Variants in TASOR observed in about 807,000 individuals in gnomAD.
TASOR encodes the protein protein TASOR.
Under a neutral mutation model 178.6 loss-of-function variants are expected in TASOR, and 53 were observed. That is an observed-to-expected ratio of 0.30 (90% confidence interval 0.24 to 0.37). The LOEUF is 0.37. Among genes scored for constraint, TASOR ranks in the 10% least tolerant of loss-of-function variants. TASOR has a pLI of 1.00. For missense variants in TASOR, 1,815 were observed against 1,971.4 expected (o/e 0.92, Z 1.50); for synonymous variants, 713 against 696.2 (o/e 1.02, Z -0.38).
chr3:56,621,430 C>A lies in TASOR; in HGVS notation c.*1607G>T. 3 of 807,520 alleles carry A rather than the reference C, an allele frequency of 3.7e-6. No individual in the cohort carries two copies. The highest frequency in any genetic ancestry group is 5.6e-6 in the Non-Finnish European group (3 of 531,794). 50.0% of individuals were successfully genotyped at this position (807,520 alleles called of 1,614,324 possible). On this transcript the variant is annotated 3_prime_UTR_variant, in exon 24 of 24. Coordinates refer to ENST00000683822, the MANE Select transcript of TASOR (RefSeq NM_001365635.2). ...AATTTTTGAATGACAAAATTTTATC[C>A]TAAGCGATATGTTTTCCAAGTGAAT...
At chr3:56,649,973 C>T (rs2077316424) in intron 11 of TASOR, among the ~76,000 whole-genome samples, 1 of 152,208 alleles carries the variant, frequency 6.6e-6, no homozygotes, top group South Asian at 2.1e-4. Flanking sequence ...AGAAGCCAGG[C>T]TGGCCAGGAA....
intron 2 of TASOR, 140 bp downstream of exon 2, chr3:56,673,433 CAAAAAAA>C (rs5849162): frequency 8.9e-4 from 173 of 194,658 alleles, no homozygotes; most frequent in South Asian, 2.8e-3. Flanking sequence ...ACTCCGTCTC[CAAAAAAA>C]AAAAAAAAAA....
chr3:56,676,585 C>T (rs368115583), intron 1 of TASOR, among the ~76,000 whole-genome samples: 52 of 152,160 alleles, frequency 3.4e-4, no homozygotes, highest in African/African-American at 1.2e-3. Flanking sequence ...GGGTTTTACA[C>T]GATTTTGTTT....
At chr3:56,627,536 T>C (rs1482133483) in intron 20 of TASOR, 46 bp downstream of exon 20, 2 of 1,594,790 alleles carry the variant, frequency 1.3e-6, no homozygotes, top group Admixed American at 1.7e-5. Context: ...TTAAAAAGTA[T>C]GAGAGTCAGA....
At chr3:56,660,874 T>G (rs1267717900) in intron 10 of TASOR, 40 bp from the exon 11 acceptor site, 56 of 1,607,898 alleles carry the variant, frequency 3.5e-5, no homozygotes, top group Non-Finnish European at 4.5e-5. Flanking sequence ...CCAAATCAAG[T>G]CTGCTTCTAA....
At chr3:56,668,621 T>C (rs1202941039) in intron 5 of TASOR, 63 bp from the exon 6 acceptor site, 7 of 1,119,534 alleles carry the variant, frequency 6.3e-6, no homozygotes, top group African/African-American at 1.6e-5. Context: ...ATAACATTAA[T>C]ATTATGAAAT....
chr3:56,639,237 T>C (rs560380177), intron 16 of TASOR, among the ~76,000 whole-genome samples: 21 of 152,224 alleles, frequency 1.4e-4, no homozygotes, highest in Non-Finnish European at 2.5e-4. Context: ...AAAAAGTTGT[T>C]TGCTGTTGCT....
intron 1 of TASOR, among the ~76,000 whole-genome samples, chr3:56,675,704 A>G (rs1460135158): frequency 6.6e-6 from 1 of 152,216 alleles, no homozygotes; most frequent in African/African-American, 2.4e-5. Context: ...ATTTCTTTCA[A>G]GACACTATTT....
intron 22 of TASOR, 49 bp from the exon 23 acceptor site, chr3:56,624,692 C>G (rs1553720712): frequency 6.4e-7 from 1 of 1,570,984 alleles, no homozygotes; most frequent in Non-Finnish European, 8.7e-7. Flanking sequence ...AAAATATAGA[C>G]AGCCCCTAGC....
chr3:56,627,937 C>T (rs971851363), intron 19 of TASOR, among the ~76,000 whole-genome samples, 196 bp from the exon 20 acceptor site: 1 of 152,142 alleles, frequency 6.6e-6, no homozygotes, highest in African/African-American at 2.4e-5. Context: ...TGTACTGGGA[C>T]CTACCACAGA....
Position 56,633,147 on chromosome 3 carries a change from T to C in TASOR, c.3644A>G (p.Glu1215Gly). 1 of 1,614,094 alleles carries C rather than the reference T, an allele frequency of 6.2e-7. No homozygotes were observed. Reference protein sequence around the residue: ...LSNFISQLEPEVFNSLVKIMK... With the variant: ...LSNFISQLEPGVFNSLVKIMK... ...GATTTTAACCAAACTATTAAATACTTCAGGTTCTAACTGGCTTATAAAATT... is the reference window on the plus strand; with the variant it reads ...GATTTTAACCAAACTATTAAATACTCCAGGTTCTAACTGGCTTATAAAATT... The change falls in exon 18 of 24, where the codon GAA (glutamate) becomes GGA (glycine). Residue 1215 changes from glutamate (E) to glycine (G), a missense_variant. Glu to Gly is a moderately conservative substitution (Grantham distance 98). Transcript: ENST00000683822.
chr3:56,641,661 A>G lies in TASOR; in HGVS notation c.2307T>C (p.His769=), dbSNP rs149357423. 1.1e-5 allele frequency: 17 copies of G among 1,614,100 alleles called. No homozygotes were observed. The highest frequency in any genetic ancestry group is 5.3e-5 in the African/African-American group (4 of 74,934). Residue 769 remains histidine (H), a synonymous_variant, in exon 15 of 24, where the codon CAT becomes CAC. Coordinates refer to ENST00000683822, the MANE Select transcript of TASOR (RefSeq NM_001365635.2). ...TTTCTGATAACCAATTAAACAGCCTATGGATGTCAGCAATGCCGGAGTTAC... is the reference window on the plus strand; with the variant it reads ...TTTCTGATAACCAATTAAACAGCCTGTGGATGTCAGCAATGCCGGAGTTAC... The part of the protein sequence containing the change: ...DTCNSGIADI[H]RLFNWLSETL...
rs2031951478 is a variant in TASOR, at chr3:56,683,101, C to T, written c.-95G>A. 13 of 1,334,518 alleles carry T rather than the reference C, an allele frequency of 9.7e-6. No homozygotes were observed. The highest frequency in any genetic ancestry group is 1.3e-5 in the Non-Finnish European group (13 of 1,004,684). 82.7% of individuals were successfully genotyped at this position (1,334,518 alleles called of 1,614,324 possible). ...GGGCCAGTCTCGCCGCCGAGCTGCTCTCAGCCCACCCACCCCCTTCCCCCC... is the reference window on the plus strand; with the variant it reads ...GGGCCAGTCTCGCCGCCGAGCTGCTTTCAGCCCACCCACCCCCTTCCCCCC... On this transcript the variant is annotated 5_prime_UTR_variant, in exon 1 of 24. Coordinates refer to ENST00000683822, the MANE Select transcript of TASOR (RefSeq NM_001365635.2).
At chr3:56,643,559 G>A (rs1257911608) in intron 14 of TASOR, among the ~76,000 whole-genome samples, 1 of 152,004 alleles carries the variant, frequency 6.6e-6, no homozygotes, top group Non-Finnish European at 1.5e-5. Flanking sequence ...TCAGGAGATC[G>A]AGACCATCCT....
chr3:56,664,693 T>G (rs1046333994), intron 7 of TASOR, among the ~76,000 whole-genome samples: 6 of 152,132 alleles, frequency 3.9e-5, no homozygotes, highest in African/African-American at 1.2e-4. Flanking sequence ...ACACCCAAAG[T>G]AAAAAATGAG....
At chr3:56,680,704 G>A (rs1196602855) in intron 1 of TASOR, among the ~76,000 whole-genome samples, 2 of 151,858 alleles carry the variant, frequency 1.3e-5, no homozygotes, top group Non-Finnish European at 2.9e-5. Flanking sequence ...TATTTAAATC[G>A]CTATTTTACT....
In TASOR at chr3:56,673,645, T is replaced by C. The variant is rs1559853738; in HGVS notation, c.412A>G (p.Thr138Ala). The C allele has an allele frequency of 6.4e-7, 1 of 1,551,286 alleles. No individual in the cohort carries two copies. Among genetic ancestry groups the C allele is most frequent in the East Asian group, 2.4e-5 (1 of 40,858 alleles). The change falls in exon 2 of 24, where the codon ACC (threonine) becomes GCC (alanine). Residue 138 changes from threonine (T) to alanine (A), a missense_variant. Coordinates refer to ENST00000683822, the MANE Select transcript of TASOR (RefSeq NM_001365635.2). The part of the protein sequence containing the change: ...NILHSSYLEP[T>A]SVTNFNYRRA... Reference sequence around the variant, plus strand: ...CTGTAGTTAAAATTTGTTACTGAGGTTGGTTCAAGGTAAGAAGAATGGAGA... The same window carrying C: ...CTGTAGTTAAAATTTGTTACTGAGGCTGGTTCAAGGTAAGAAGAATGGAGA...
At position 56,638,772 on chromosome 3, in the gene TASOR, G is replaced by T; in HGVS notation, c.2765-7C>A. The T allele has an allele frequency of 1.2e-6, 2 of 1,613,970 alleles. No homozygotes were observed. Among genetic ancestry groups the T allele is most frequent in the Non-Finnish European group, 1.7e-6 (2 of 1,179,934 alleles). ...GGGCTTCTTGCATTCCCTCCTGAGG[G>T]AAAGCATCCATTAGACTCTCTTCAG... On this transcript the variant is annotated splice_region_variant and splice_polypyrimidine_tract_variant and intron_variant, in intron 16 of 23. Coordinates refer to ENST00000683822, the MANE Select transcript of TASOR (RefSeq NM_001365635.2).
At position 56,633,465 on chromosome 3, in the gene TASOR, G is replaced by A; in HGVS notation, c.3326C>T (p.Ala1109Val). 6.2e-7 allele frequency: 1 copy of A among 1,614,126 alleles called. No homozygotes were observed. Among genetic ancestry groups the A allele is most frequent in the Non-Finnish European group, 8.5e-7 (1 of 1,180,020 alleles). The change falls in exon 18 of 24, where the codon GCT (alanine) becomes GTT (valine). Residue 1109 changes from alanine to valine, a missense_variant. Physicochemically the swap from Ala to Val is moderately conservative, Grantham distance 64 (BLOSUM62 0). This residue lies in a region of TASOR where 655 missense variants were observed against 671.1 expected (regional missense o/e 0.98). Transcript: ENST00000683822. ...LPPVSPNDSG[A>V]KIASNPLERH... is the part of the protein sequence containing the mutation. ...TTCCAGAGGATTCGATGCTATCTTA[G>A]CACCAGAATCGTTAGGACTGACTGG...
Sources: allele counts gnomAD v4.1 joint callset (sites outside exome capture counted in the v4.1 genomes callset), GRCh38; gene constraint gnomAD v4.1.1; regional missense constraint gnomAD v4.1.1; transcripts MANE v1.5; gene names NCBI Gene and HGNC (gene_info 2026-07-23, HGNC 2026-07-21).